The following TRPS1 variants were observed in gnomAD, a reference collection of about 807,000 sequenced individuals.
TRPS1 encodes the protein transcriptional repressor GATA binding 1, also known as zinc finger transcription factor Trps1.
A neutral mutation model predicts 101.2 loss-of-function variants in TRPS1; 6 were observed. That is an observed-to-expected ratio of 0.06 (90% CI 0.03 to 0.12). TRPS1 has a LOEUF of 0.12. TRPS1 is among the 10% of genes least tolerant of loss of function. TRPS1 has a pLI of 1.00. For missense variants in TRPS1, 1,363 were observed against 1,567.0 expected, an observed-to-expected ratio of 0.87 and a Z score of 2.20; for synonymous variants, 578 against 589.8, an observed-to-expected ratio of 0.98 and a Z score of 0.29.
intron 5 of TRPS1, among the ~76,000 whole-genome samples, chr8:115,531,228 C>T (rs1476493833): frequency 6.6e-6 from 1 of 152,116 alleles, no homozygotes; most frequent in African/African-American, 2.4e-5. Context: ...GAGAAGGAAA[C>T]ATCAGGCAGA....
chr8:115,465,232 A>T (rs763630518), intron 5 of TRPS1, among the ~76,000 whole-genome samples: 6 of 152,236 alleles, frequency 3.9e-5, no homozygotes, highest in Non-Finnish European at 7.4e-5. Context: ...TTGGTGAATC[A>T]GGGTAATATT....
At chr8:115,493,097 G>A (rs886431319) in intron 5 of TRPS1, among the ~76,000 whole-genome samples, 9 of 152,074 alleles carry the variant, frequency 5.9e-5, no homozygotes, top group Non-Finnish European at 4.4e-5. Flanking sequence ...TTCTTGAAGC[G>A]CATTAGGCCT....
chr8:115,425,630 T>C (rs1476284034), intron 5 of TRPS1, among the ~76,000 whole-genome samples: 1 of 152,232 alleles, frequency 6.6e-6, no homozygotes, highest in Non-Finnish European at 1.5e-5. Context: ...CTCCATCTCT[T>C]CTGAGATGTA....
chr8:115,556,320 G>A (rs1015845390), intron 5 of TRPS1, among the ~76,000 whole-genome samples: 7 of 152,074 alleles, frequency 4.6e-5, no homozygotes, highest in African/African-American at 1.7e-4. Context: ...GAAATACTGT[G>A]ATATTCTAAA....
chr8:115,511,528 G>A lies in TRPS1; in HGVS notation c.2700+75473C>T, dbSNP rs141928135. ...TCTTCTCCAATCTAAAATTGACTCT[G>A]GTTGCAGTATAACAAGCTATCAATT... On this transcript the variant is annotated intron_variant, in intron 5 of 6. Coordinates refer to ENST00000395715, the MANE Select transcript of TRPS1 (RefSeq NM_014112.5). 4.7e-3 allele frequency among the ~76,000 whole-genome samples: 714 copies of A among 151,828 alleles called. 2 individuals carry two copies. Among genetic ancestry groups the A allele is most frequent in the Middle Eastern group, 0.014 (4 of 294 alleles).
chr8:115,535,078 ATATAGCATATATATCGCATATG>A (rs1229646502), intron 5 of TRPS1, among the ~76,000 whole-genome samples: 6 of 147,828 alleles, frequency 4.1e-5, no homozygotes, highest in Non-Finnish European at 8.9e-5. Flanking sequence ...ATAAGCATAT[ATATAGCATATATATCGCATATG>A]TATAGCATAT....
intron 5 of TRPS1, among the ~76,000 whole-genome samples, chr8:115,426,743 C>T (rs1337175414): frequency 6.6e-6 from 1 of 152,158 alleles, no homozygotes; most frequent in Non-Finnish European, 1.5e-5. Context: ...AAGCATGTCC[C>T]TCACAAAATG....
At chr8:115,544,996 A>T (rs1427266583) in intron 5 of TRPS1, among the ~76,000 whole-genome samples, 1 of 152,166 alleles carries the variant, frequency 6.6e-6, no homozygotes, top group Non-Finnish European at 1.5e-5. Context: ...ATTACATATA[A>T]ACTGGTCCTT....
At chr8:115,438,139 C>A (rs1813502840) in intron 5 of TRPS1, among the ~76,000 whole-genome samples, 1 of 152,084 alleles carries the variant, frequency 6.6e-6, no homozygotes, top group Admixed American at 6.5e-5. Context: ...AACCTAGTAC[C>A]ATATAGTTTT....
chr8:115,422,556 G>T (rs1813093003), intron 5 of TRPS1, among the ~76,000 whole-genome samples: 1 of 151,982 alleles, frequency 6.6e-6, no homozygotes, highest in Non-Finnish European at 1.5e-5. Flanking sequence ...TAGTGGGGTC[G>T]GGTTTCACCA....
chr8:115,451,702 A>G (rs1342241122), intron 5 of TRPS1, among the ~76,000 whole-genome samples: 2 of 152,074 alleles, frequency 1.3e-5, no homozygotes, highest in African/African-American at 4.8e-5. Flanking sequence ...GGCACAAGAT[A>G]CCCTTTGCAG....
intron 1 of TRPS1, among the ~76,000 whole-genome samples, chr8:115,650,985 A>T (rs2049872): frequency 0.15 from 23,442 of 152,162 alleles, 5,660 homozygotes; most frequent in African/African-American, 0.51. Context: ...TGAAGCCAAG[A>T]CATAAGCCAT....
intron 1 of TRPS1, among the ~76,000 whole-genome samples, chr8:115,634,613 G>A (rs1049991106): frequency 7.2e-5 from 11 of 152,026 alleles, no homozygotes; most frequent in Non-Finnish European, 1.5e-5. Context: ...CTTCATACCT[G>A]CTAAAGATAA....
rs1281833918 is a variant in TRPS1 at position 115,577,202 on chromosome 8, T to A, written c.2700+9799A>T. On this transcript the variant is annotated intron_variant, in intron 5 of 6. Coordinates refer to ENST00000395715, the MANE Select transcript of TRPS1 (RefSeq NM_014112.5). ...TCAAAAGTCCCACTCTGAGTCTTTT[T>A]TTAAAAAAATAGCAAATAATTATTT... Among the ~76,000 whole-genome samples, 5 of 152,288 alleles carry A rather than the reference T, an allele frequency of 3.3e-5. 1 individual carries two copies. The East Asian group carries it at 9.6e-4, about 29-fold the overall frequency.
chr8:115,433,837 G>A (rs988730906), intron 5 of TRPS1, among the ~76,000 whole-genome samples: 7 of 152,084 alleles, frequency 4.6e-5, no homozygotes, highest in Non-Finnish European at 8.8e-5. Context: ...TTTACAAGAG[G>A]TGGAGGCATT....
intron 5 of TRPS1, among the ~76,000 whole-genome samples, chr8:115,572,224 C>A (rs930120855): frequency 2.3e-4 from 35 of 152,070 alleles, no homozygotes; most frequent in African/African-American, 8.4e-4. Flanking sequence ...TAGTAACTTT[C>A]ACTGCAGAGG....
intron 5 of TRPS1, among the ~76,000 whole-genome samples, chr8:115,497,702 A>C (rs890393817): frequency 1.3e-5 from 2 of 152,212 alleles, no homozygotes; most frequent in Non-Finnish European, 2.9e-5. Flanking sequence ...TCAGTTTCAA[A>C]GGGCAGACCC....
At chr8:115,641,092 T>C (rs763310068) in intron 1 of TRPS1, among the ~76,000 whole-genome samples, 1 of 152,216 alleles carries the variant, frequency 6.6e-6, no homozygotes, top group Non-Finnish European at 1.5e-5. Flanking sequence ...GTAAAGTGAT[T>C]ATCCTTCTGG....
intron 5 of TRPS1, among the ~76,000 whole-genome samples, chr8:115,573,704 T>G (rs1817257424): frequency 6.6e-6 from 1 of 152,224 alleles, no homozygotes; most frequent in African/African-American, 2.4e-5. Context: ...CCTTCTGAGA[T>G]AAAGTTTTTC....
Sources: allele counts gnomAD v4.1 joint callset (sites outside exome capture counted in the v4.1 genomes callset), GRCh38; gene constraint gnomAD v4.1.1; transcripts MANE v1.5; gene names NCBI Gene and HGNC (gene_info 2026-07-23, HGNC 2026-07-21).